TIAL1: variants seen among roughly 807,000 people sequenced by gnomAD.
TIAL1 encodes the protein TIA1 cytotoxic granule associated RNA binding protein like 1.
In TIAL1, 7 loss-of-function variants were observed where a neutral mutation model predicts 59.7. That is an observed-to-expected ratio of 0.12 (90% CI 0.07 to 0.22). The LOEUF is 0.22. TIAL1 is among the 10% of genes least tolerant of loss of function. The pLI is 1.00. For missense variants in TIAL1, 225 were observed against 462.5 expected (o/e 0.49, Z 4.71); for synonymous variants, 149 against 146.3 (o/e 1.02, Z -0.13).
At chr10:119,595,787 A>C (rs954366757) in intron 1 of TIAL1, among the ~76,000 whole-genome samples, 2 of 152,184 alleles carry the variant, frequency 1.3e-5, no homozygotes, top group African/African-American at 4.8e-5. Context: ...TTTATCCAAG[A>C]AGGGAAAGAT....
Position 119,575,712 on chromosome 10 carries a change from G to A in TIAL1, c.1081C>T (p.Pro361Ser), listed in dbSNP as rs765407242. ...ATACCATATCCGGCTTGGTTAGGAGGAGGTATTACAGGGGGAGGAGCTTGT... is the reference window on the plus strand; with the variant it reads ...ATACCATATCCGGCTTGGTTAGGAGAAGGTATTACAGGGGGAGGAGCTTGT... ...QGQAPPPVIPPPNQAGYGMAS... is the reference protein window; with the variant it reads ...QGQAPPPVIPSPNQAGYGMAS... The change falls in exon 12 of 12, where the codon CCT (proline) becomes TCT (serine). Residue 361 changes from proline (P) to serine (S), a missense_variant. Pro to Ser is a moderately conservative substitution (Grantham distance 74). Coordinates refer to ENST00000436547, the MANE Select transcript of TIAL1 (RefSeq NM_003252.4). The A allele has an allele frequency of 6.2e-7, 1 of 1,612,306 alleles. No homozygotes were observed. The highest frequency in any genetic ancestry group is 1.1e-5 in the South Asian group (1 of 90,998).
intron 1 of TIAL1, among the ~76,000 whole-genome samples, chr10:119,589,799 T>C (rs1845759864): frequency 6.6e-6 from 1 of 152,216 alleles, no homozygotes; most frequent in Admixed American, 6.5e-5. Context: ...CACTAAAGTC[T>C]TTCTGGTATT....
At chr10:119,591,742 CT>C (rs775382118) in intron 1 of TIAL1, among the ~76,000 whole-genome samples, 28 of 152,134 alleles carry the variant, frequency 1.8e-4, no homozygotes, top group East Asian at 1.9e-4. Flanking sequence ...ATAATTTCAC[CT>C]AAACTTTACC....
intron 6 of TIAL1, 59 bp downstream of exon 6, chr10:119,579,876 T>A: frequency 1.5e-6 from 2 of 1,364,648 alleles, no homozygotes; most frequent in Non-Finnish European, 2.0e-6. Context: ...TTCAATACAT[T>A]AAGTAACTAA....
intron 2 of TIAL1, among the ~76,000 whole-genome samples, chr10:119,585,018 G>T (rs1182694594): frequency 6.6e-6 from 1 of 151,404 alleles, no homozygotes; most frequent in East Asian, 1.9e-4. Context: ...AGCTACTTGG[G>T]AGGCTGAGGC....
intron 2 of TIAL1, among the ~76,000 whole-genome samples, chr10:119,585,548 G>A (rs1156935774): frequency 6.6e-6 from 1 of 152,000 alleles, no homozygotes; most frequent in Non-Finnish European, 1.5e-5. Context: ...AGAAATATGA[G>A]ACTTTACAAG....
chr10:119,590,762 G>GAGAAAGAAAGAAAGAAAGAA (rs60594014), intron 1 of TIAL1, among the ~76,000 whole-genome samples: 112 of 125,394 alleles, frequency 8.9e-4, no homozygotes, highest in East Asian at 2.1e-3. Flanking sequence ...GAGAGAAAGA[G>GAGAAAGAAAGAAAGAAAGAA]AGAAAGAAAG....
At position 119,582,602 on chromosome 10, in the gene TIAL1, C is replaced by T. The variant is rs2133972908; in HGVS notation, c.130-45G>A. The T allele has an allele frequency of 5.0e-6, 8 of 1,596,252 alleles. No individual in the cohort carries two copies. The highest frequency in any genetic ancestry group is 2.3e-5 in the East Asian group (1 of 44,190). ...ACAGAAGAGTTGACCCTTCTGCTAT[C>T]GGGTTGCTGAGAAGAAAATCCAGGA... On this transcript the variant is annotated intron_variant, in intron 2 of 11. Transcript: ENST00000436547. This position sits in a 1 kb window ranked among gnomAD's most constrained non-coding sequence, Gnocchi z 5.1.
chr10:119,578,843 A>G lies in TIAL1; in HGVS notation c.448-9T>C. The G allele has an allele frequency of 6.2e-7, 1 of 1,608,200 alleles. No homozygotes were observed. Among genetic ancestry groups the G allele is most frequent in the South Asian group, 1.1e-5 (1 of 90,846 alleles). ...ATCGCATTTTCTGCATCCTATGGAT[A>G]AAAAAGAAAGCACAATCACAAAGAA... On this transcript the variant is annotated splice_polypyrimidine_tract_variant and intron_variant, in intron 6 of 11. Coordinates refer to ENST00000436547, the MANE Select transcript of TIAL1 (RefSeq NM_003252.4).
intron 2 of TIAL1, among the ~76,000 whole-genome samples, chr10:119,586,328 T>C (rs1189137968): frequency 2.0e-5 from 3 of 152,222 alleles, no homozygotes; most frequent in Admixed American, 6.5e-5. Flanking sequence ...CCTTTCCCTA[T>C]GTCCCACAGC....
chr10:119,594,556 G>C (rs1846055102), intron 1 of TIAL1, among the ~76,000 whole-genome samples: 1 of 152,132 alleles, frequency 6.6e-6, no homozygotes. Flanking sequence ...AGCTTTCCCA[G>C]ATGCTTATAT....
In TIAL1 at chr10:119,573,757, A is replaced by G. The variant is rs1265734677; in HGVS notation, c.*1908T>C. On this transcript the variant is annotated 3_prime_UTR_variant, in exon 12 of 12. Transcript: ENST00000436547. ...TCCAAAAACATTCCTCAAAGATACT[A>G]TAAACAAAAGAAATAAGGGTATATT... is the stretch of plus-strand genomic sequence containing the variant. 3 of 152,362 alleles carry G rather than the reference A, an allele frequency of 2.0e-5. No homozygotes were observed. The East Asian group carries it at 5.8e-4, about 29-fold the overall frequency. The allele number at this position is 152,362 out of a possible 1,614,324, so 9.4% of individuals were successfully genotyped here. A position where few individuals can be genotyped will look rare whatever the true frequency, so the allele number is the denominator to read the frequency against.
chr10:119,584,815 C>G (rs1845472004), intron 2 of TIAL1, among the ~76,000 whole-genome samples: 1 of 151,548 alleles, frequency 6.6e-6, no homozygotes, highest in Admixed American at 6.6e-5. Context: ...GGCAACAGAG[C>G]CAGACTCTGT....
Position 119,578,815 on chromosome 10 carries a change from A to G in TIAL1, c.467T>C (p.Val156Ala), listed in dbSNP as rs1845159408. The change falls in exon 7 of 12, where the codon GTG becomes GCG. Residue 156 changes from valine to alanine, a missense_variant. Val to Ala is a moderately conservative substitution (Grantham distance 64, BLOSUM62 0). Coordinates refer to ENST00000436547, the MANE Select transcript of TIAL1 (RefSeq NM_003252.4). The part of the protein sequence containing the change: ...YNKLDAENAI[V>A]HMGGQWLGGR... ...ACCCAACCACTGACCGCCCATATGC[A>G]CAATCGCATTTTCTGCATCCTATGG... 1 of 1,614,136 alleles carries G rather than the reference A, an allele frequency of 6.2e-7. No homozygotes were observed. The highest frequency in any genetic ancestry group is 8.5e-7 in the Non-Finnish European group (1 of 1,179,976).
chr10:119,584,750 A>T (rs1845467439), intron 2 of TIAL1, among the ~76,000 whole-genome samples: 1 of 151,996 alleles, frequency 6.6e-6, no homozygotes, highest in Non-Finnish European at 1.5e-5. Flanking sequence ...AATCGTTTGA[A>T]CCTGGGAGGC....
chr10:119,594,674 G>A (rs201727117), intron 1 of TIAL1, among the ~76,000 whole-genome samples: 1 of 152,050 alleles, frequency 6.6e-6, no homozygotes, highest in Non-Finnish European at 1.5e-5. Context: ...CACCAGTCTG[G>A]AGTGCAGTGG....
Position 119,582,673 on chromosome 10 carries a change from A to C in TIAL1, c.130-116T>G, listed in dbSNP as rs1170890654. 2.1e-6 allele frequency: 3 copies of C among 1,457,498 alleles called. No individual in the cohort carries two copies. Among genetic ancestry groups the C allele is most frequent in the African/African-American group, 2.9e-5 (2 of 69,910 alleles). The allele number at this position is 1,457,498 out of a possible 1,614,324, so 90.3% of individuals were successfully genotyped here. ...GGAATATACAAGGTGAGACTGCATA[A>C]GCTTATGAAAGCCTAACACTTTTTA... On this transcript the variant is annotated intron_variant, in intron 2 of 11. Transcript: ENST00000436547. The surrounding 1 kb of genome is among the most constrained non-coding windows in gnomAD (Gnocchi z 5.1).
rs1845338992 is a variant in TIAL1, at chr10:119,582,220, C to T, written c.232G>A (p.Val78Ile). 1 of 1,599,126 alleles carries T rather than the reference C, an allele frequency of 6.3e-7. No individual in the cohort carries two copies. Among genetic ancestry groups the T allele is most frequent in the Non-Finnish European group, 8.5e-7 (1 of 1,174,848 alleles). ...MNGRKILGKEVKVNWATTPSS... is the reference protein window; with the variant it reads ...MNGRKILGKEIKVNWATTPSS... ...GGTGTGGTTGCCCAGTTTACTTTGA[C>T]CTCCTAAAAATAAAGATTATATTTA... Residue 78 changes from valine to isoleucine, a missense_variant, in exon 4 of 12, where the codon GTC (valine) becomes ATC (isoleucine). By Grantham distance (29) the Val-to-Ile change is conservative (BLOSUM62 3). Around this residue, in one of 4 missense-constraint regions of TIAL1, gnomAD observed 38 missense variants for 173.0 expected, o/e 0.22. Coordinates refer to ENST00000436547, the MANE Select transcript of TIAL1 (RefSeq NM_003252.4). This position sits in a 1 kb window ranked among gnomAD's most constrained non-coding sequence, Gnocchi z 5.1.
At position 119,596,638 on chromosome 10, in the gene TIAL1, C is replaced by CCAGGAGGAG. The variant is rs1329475672; in HGVS notation, c.-182_-174dup. The CCAGGAGGAG allele has an allele frequency of 1.2e-4, 72 of 606,506 alleles. No individual in the cohort carries two copies. Among genetic ancestry groups the CCAGGAGGAG allele is most frequent in the Admixed American group, 7.1e-4 (24 of 33,848 alleles). The allele number at this position is 606,506 out of a possible 1,614,324, so 37.6% of individuals were successfully genotyped here. A position where few individuals can be genotyped will look rare whatever the true frequency, so the allele number is the denominator to read the frequency against. ...GCCCGCTCCGGACACTGCGCTCCAA[C>CCAGGAGGAG]CAGGAGGAGCAGGAGGAGGAGGAGG... On this transcript the variant is annotated 5_prime_UTR_variant, in exon 1 of 12. Transcript: ENST00000436547.
Sources: allele counts gnomAD v4.1 joint callset (sites outside exome capture counted in the v4.1 genomes callset), GRCh38; gene constraint gnomAD v4.1.1; regional missense constraint gnomAD v4.1.1; non-coding constraint Gnocchi (gnomAD v3.1); transcripts MANE v1.5; gene names NCBI Gene and HGNC (gene_info 2026-07-23, HGNC 2026-07-21).